MEGF9: variants seen among roughly 807,000 people sequenced by gnomAD.
MEGF9 encodes multiple EGF like domains 9, also known as multiple epidermal growth factor-like domains protein 9.
A neutral mutation model predicts 46.8 loss-of-function variants in MEGF9; 6 were observed. The observed-to-expected ratio is 0.13, with a 90% CI of 0.07 to 0.25. The LOEUF (loss-of-function observed/expected upper bound fraction) is 0.25. MEGF9 is among the 10% of genes least tolerant of loss of function. MEGF9 has a pLI of 1.00. For synonymous variants in MEGF9, 302 were observed against 330.7 expected (o/e 0.91, Z 0.94); for missense variants, 683 against 792.4 (o/e 0.86, Z 1.66).
chr9:120,698,537 T>C (rs761715324), intron 1 of MEGF9, among the ~76,000 whole-genome samples: 1 of 152,228 alleles, frequency 6.6e-6, no homozygotes, highest in African/African-American at 2.4e-5. Flanking sequence ...TGTGACAATA[T>C]GCAAGTCTTT....
At chr9:120,677,169 C>T (rs2043776881) in intron 1 of MEGF9, among the ~76,000 whole-genome samples, 2 of 151,972 alleles carry the variant, frequency 1.3e-5, no homozygotes, top group Admixed American at 1.3e-4. Flanking sequence ...CCCTCGGTCG[C>T]CCAGGATGGA....
At chr9:120,654,117 G>A (rs1056762687) in intron 2 of MEGF9, among the ~76,000 whole-genome samples, 2 of 152,190 alleles carry the variant, frequency 1.3e-5, no homozygotes, top group Non-Finnish European at 2.9e-5. Context: ...AGAAGTAAGA[G>A]TGTGAGACAG....
intron 1 of MEGF9, among the ~76,000 whole-genome samples, chr9:120,695,569 A>G (rs945977505): frequency 3.7e-5 from 5 of 136,750 alleles, no homozygotes; most frequent in Non-Finnish European, 7.6e-5. Flanking sequence ...ACACCACTGC[A>G]CTCCAGCCTG....
intron 1 of MEGF9, among the ~76,000 whole-genome samples, chr9:120,664,197 T>A (rs1267002319): frequency 6.6e-6 from 1 of 152,192 alleles, no homozygotes; most frequent in Non-Finnish European, 1.5e-5. Flanking sequence ...TTCTAGGCCT[T>A]TAATATACCT....
intron 1 of MEGF9, among the ~76,000 whole-genome samples, chr9:120,703,842 G>A (rs1431638034): frequency 6.6e-6 from 1 of 151,830 alleles, no homozygotes; most frequent in Non-Finnish European, 1.5e-5. Flanking sequence ...GTGTGGTGGT[G>A]GGTGCCTGTA....
rs142146062 is a variant in MEGF9, at chr9:120,669,200, T to C, written c.602-9625A>G. Among the ~76,000 whole-genome samples the C allele has an allele frequency of 4.5e-3, 681 of 152,336 alleles. 1 individual carries two copies. Among genetic ancestry groups the C allele is most frequent in the African/African-American group, 0.015 (608 of 41,574 alleles). ...CAATTTCCTTTGAAAATTTAGAATG[T>C]ATATACTATGTTTTAAGGGAAAATC... On this transcript the variant is annotated intron_variant, in intron 1 of 5. Transcript: ENST00000373930.
chr9:120,611,448 G>A (rs780174624), intron 4 of MEGF9, among the ~76,000 whole-genome samples: 40 of 152,082 alleles, frequency 2.6e-4, no homozygotes, highest in Non-Finnish European at 4.9e-4. Flanking sequence ...GTTATAACAT[G>A]AATGAACTGA....
chr9:120,674,331 C>T (rs1459036491), intron 1 of MEGF9, among the ~76,000 whole-genome samples: 1 of 152,130 alleles, frequency 6.6e-6, no homozygotes, highest in Non-Finnish European at 1.5e-5. Context: ...GAGAAAAGAT[C>T]TAGAAACTTT....
At chr9:120,662,019 A>C (rs1353823000) in intron 1 of MEGF9, among the ~76,000 whole-genome samples, 1 of 152,244 alleles carries the variant, frequency 6.6e-6, no homozygotes, top group African/African-American at 2.4e-5. Flanking sequence ...AATTTTCTAC[A>C]ATAAAAACTA....
chr9:120,661,066 C>T (rs2043699644), intron 1 of MEGF9, among the ~76,000 whole-genome samples: 1 of 152,190 alleles, frequency 6.6e-6, no homozygotes. Flanking sequence ...TAATCACAAG[C>T]AGCTTATTTA....
chr9:120,622,068 C>A (rs1205034358), intron 3 of MEGF9, among the ~76,000 whole-genome samples: 2 of 152,150 alleles, frequency 1.3e-5, no homozygotes, highest in Non-Finnish European at 2.9e-5. Flanking sequence ...GGGATTTTGT[C>A]TCCTCAGCAC....
chr9:120,638,378 T>C (rs113544477), intron 2 of MEGF9, among the ~76,000 whole-genome samples: 2 of 152,356 alleles, frequency 1.3e-5, no homozygotes, highest in African/African-American at 4.8e-5. Flanking sequence ...ACTCATTTTC[T>C]CAGAGAAACG....
At chr9:120,611,263 G>A (rs974056344) in intron 4 of MEGF9, among the ~76,000 whole-genome samples, 3 of 152,080 alleles carry the variant, frequency 2.0e-5, no homozygotes, top group Non-Finnish European at 4.4e-5. Context: ...GAAGATAAAT[G>A]AAAATATATG....
intron 2 of MEGF9, among the ~76,000 whole-genome samples, chr9:120,640,505 T>C (rs1004424719): frequency 1.4e-4 from 21 of 152,130 alleles, no homozygotes; most frequent in African/African-American, 4.8e-4. Context: ...TATGTGTTTT[T>C]TCCTCTGCTA....
intron 2 of MEGF9, among the ~76,000 whole-genome samples, chr9:120,628,465 G>GTCGTTT (rs1306331353): frequency 1.1e-4 from 6 of 52,720 alleles, no homozygotes; most frequent in Non-Finnish European, 1.6e-4. Context: ...AATTCTTGTC[G>GTCGTTT]TTGTTTTTTT....
intron 1 of MEGF9, among the ~76,000 whole-genome samples, chr9:120,670,286 C>T (rs755347419): frequency 3.9e-5 from 6 of 151,926 alleles, no homozygotes; most frequent in Non-Finnish European, 5.9e-5. Flanking sequence ...TAGTAGAGAC[C>T]GGGTTTCACC....
At position 120,713,950 on chromosome 9, in the gene MEGF9, A is replaced by G; in HGVS notation, c.409T>C (p.Ser137Pro). ...GGCGCGGGTCTGGTCGGCGCCTGAG[A>G]GGTGGTCGAAGTGCGTTCCGCCGCC... is the stretch of plus-strand genomic sequence containing the variant. ...PPAAERTSTTSQAPTRPAPTT... is the reference protein window; with the variant it reads ...PPAAERTSTTPQAPTRPAPTT... Residue 137 changes from serine (S) to proline (P), a missense_variant, in exon 1 of 6, where the codon TCT (serine) becomes CCT (proline). This residue lies in a region of MEGF9 where 370 missense variants were observed against 371.3 expected (regional missense o/e 1.00). Coordinates refer to ENST00000373930, the MANE Select transcript of MEGF9 (RefSeq NM_001080497.3). 1.5e-6 allele frequency: 2 copies of G among 1,377,378 alleles called. No individual in the cohort carries two copies. Among genetic ancestry groups the G allele is most frequent in the South Asian group, 1.8e-5 (1 of 56,002 alleles). The allele number at this position is 1,377,378 out of a possible 1,614,324, so 85.3% of individuals were successfully genotyped here. A position where few individuals can be genotyped will look rare whatever the true frequency, so the allele number is the denominator to read the frequency against.
At chr9:120,621,419 C>T (rs1327036845) in intron 3 of MEGF9, among the ~76,000 whole-genome samples, 5 of 152,176 alleles carry the variant, frequency 3.3e-5, no homozygotes, top group African/African-American at 7.2e-5. Flanking sequence ...AGTCTTCTAA[C>T]TTTGTCTTCA....
In MEGF9 at chr9:120,605,033, G is replaced by T; in HGVS notation, c.*157C>A. The T allele has an allele frequency of 1.5e-6, 1 of 675,140 alleles. No individual in the cohort carries two copies. Among genetic ancestry groups the T allele is most frequent in the Non-Finnish European group, 2.5e-6 (1 of 405,450 alleles). 41.8% of individuals were successfully genotyped at this position (675,140 alleles called of 1,614,324 possible). On this transcript the variant is annotated 3_prime_UTR_variant, in exon 6 of 6. Transcript: ENST00000373930. This position sits in a 1 kb window ranked among gnomAD's most constrained non-coding sequence, Gnocchi z 4.0. ...CTTCATGGGAAAACTAAGAGCAATA[G>T]ATAGGCTAAGCGCATTACAAATTTG...
Sources: allele counts gnomAD v4.1 joint callset (sites outside exome capture counted in the v4.1 genomes callset), GRCh38; gene constraint gnomAD v4.1.1; regional missense constraint gnomAD v4.1.1; non-coding constraint Gnocchi (gnomAD v3.1); transcripts MANE v1.5; gene names NCBI Gene and HGNC (gene_info 2026-07-23, HGNC 2026-07-21).